PEBP4: variants seen among roughly 807,000 people sequenced by gnomAD.
The protein encoded by PEBP4 is phosphatidylethanolamine-binding protein 4.
In PEBP4, 22 loss-of-function variants were observed where a neutral mutation model predicts 23.9. The ratio of observed to expected loss-of-function variants is 0.92; its 90% CI spans 0.66 to 1.31. The LOEUF (loss-of-function observed/expected upper bound fraction) is 1.31, where lower values mean the gene tolerates loss of function less well. PEBP4 is among the 40% of genes most tolerant of loss of function. The pLI is 0.00. For missense variants in PEBP4, 324 were observed against 281.7 expected (o/e 1.15, Z -1.07); for synonymous variants, 112 against 99.3 (o/e 1.13, Z -0.76).
chr8:22,874,134 C>T (rs1808069590), intron 3 of PEBP4, among the ~76,000 whole-genome samples: 1 of 151,970 alleles, frequency 6.6e-6, no homozygotes, highest in Non-Finnish European at 1.5e-5. Context: ...AACACGGATG[C>T]CAGAAGCCCT....
At chr8:22,873,160 A>G (rs1247250866) in intron 3 of PEBP4, among the ~76,000 whole-genome samples, 1 of 152,236 alleles carries the variant, frequency 6.6e-6, no homozygotes, top group Non-Finnish European at 1.5e-5. Flanking sequence ...AAGCTGGTAC[A>G]GTTATTGGCG....
At chr8:22,781,217 G>A (rs906432645) in intron 4 of PEBP4, among the ~76,000 whole-genome samples, 7 of 152,196 alleles carry the variant, frequency 4.6e-5, no homozygotes, top group Non-Finnish European at 2.9e-5. Context: ...CACCACGTTT[G>A]GATGCCCTTG....
intron 3 of PEBP4, among the ~76,000 whole-genome samples, chr8:22,893,454 G>GACAAAAA (rs1355481446): frequency 6.6e-6 from 1 of 151,940 alleles, no homozygotes; most frequent in East Asian, 1.9e-4. Context: ...CCATAACAAG[G>GACAAAAA]ACAAAAAACA....
At chr8:22,751,848 A>G (rs1278084449) in intron 4 of PEBP4, among the ~76,000 whole-genome samples, 3 of 151,964 alleles carry the variant, frequency 2.0e-5, no homozygotes, top group African/African-American at 7.3e-5. Flanking sequence ...TCCCATTGTC[A>G]GTCACCCACT....
At chr8:22,843,689 G>A in intron 3 of PEBP4, among the ~76,000 whole-genome samples, 1 of 152,194 alleles carries the variant, frequency 6.6e-6, no homozygotes, top group East Asian at 1.9e-4. Context: ...GAAGTTGAAT[G>A]TCAGCCTTGC....
At chr8:22,860,204 ATACACATATATG>A (rs1807746110) in intron 3 of PEBP4, among the ~76,000 whole-genome samples, 1 of 141,436 alleles carries the variant, frequency 7.1e-6, no homozygotes, top group Non-Finnish European at 1.5e-5. Flanking sequence ...ATATATATAT[ATACACATATATG>A]TATATATATA....
At chr8:22,824,376 G>A (rs1806923781) in intron 3 of PEBP4, among the ~76,000 whole-genome samples, 1 of 152,064 alleles carries the variant, frequency 6.6e-6, no homozygotes, top group Admixed American at 6.5e-5. Context: ...TCCCTGCCCT[G>A]ATGTTCCCCG....
chr8:22,899,074 C>T (rs1476166118), intron 3 of PEBP4, among the ~76,000 whole-genome samples: 1 of 152,176 alleles, frequency 6.6e-6, no homozygotes, highest in Non-Finnish European at 1.5e-5. Context: ...CGATCTAGGA[C>T]CCTGGACAAG....
intron 3 of PEBP4, among the ~76,000 whole-genome samples, chr8:22,910,548 G>A (rs1808917046): frequency 6.6e-6 from 1 of 152,188 alleles, no homozygotes; most frequent in African/African-American, 2.4e-5. Flanking sequence ...GAAACACCCA[G>A]TGAAGGAACA....
intron 4 of PEBP4, among the ~76,000 whole-genome samples, chr8:22,796,634 C>T (rs1585277500): frequency 6.6e-6 from 1 of 152,276 alleles, no homozygotes; most frequent in Non-Finnish European, 1.5e-5. Flanking sequence ...ACAATGTCAG[C>T]ACCTAAGATG....
At chr8:22,731,990 G>A (rs1451460003) in intron 4 of PEBP4, among the ~76,000 whole-genome samples, 3 of 152,058 alleles carry the variant, frequency 2.0e-5, no homozygotes, top group African/African-American at 7.2e-5. Flanking sequence ...CCCCCTCATT[G>A]TTTAAGGGTG....
At chr8:22,812,582 T>C (rs1806654742) in intron 4 of PEBP4, among the ~76,000 whole-genome samples, 1 of 152,130 alleles carries the variant, frequency 6.6e-6, no homozygotes, top group South Asian at 2.1e-4. Context: ...AAAGCATGCA[T>C]GGGAAACTGC....
At chr8:22,751,409 T>A (rs974818249) in intron 4 of PEBP4, among the ~76,000 whole-genome samples, 8 of 152,160 alleles carry the variant, frequency 5.3e-5, no homozygotes, top group African/African-American at 1.9e-4. Flanking sequence ...GGGTCTGATG[T>A]CCAGGAACAC....
intron 4 of PEBP4, among the ~76,000 whole-genome samples, chr8:22,761,441 C>T (rs762010372): frequency 1.2e-4 from 19 of 152,314 alleles, no homozygotes; most frequent in Non-Finnish European, 2.4e-4. Flanking sequence ...CCCCTGCAAG[C>T]CGTGTTCATA....
chr8:22,724,558 C>T (rs114609747), intron 6 of PEBP4, among the ~76,000 whole-genome samples: 24 of 152,318 alleles, frequency 1.6e-4, no homozygotes, highest in African/African-American at 5.3e-4. Context: ...TACTCTTCTC[C>T]CTGGCTGCAG....
At chr8:22,813,392 T>A (rs1806673881) in intron 4 of PEBP4, among the ~76,000 whole-genome samples, 1 of 152,220 alleles carries the variant, frequency 6.6e-6, no homozygotes, top group Non-Finnish European at 1.5e-5. Context: ...TCTCCTTAAT[T>A]GTTCTTAGTG....
intron 4 of PEBP4, among the ~76,000 whole-genome samples, chr8:22,749,508 C>T (rs1179203678): frequency 6.6e-6 from 1 of 152,250 alleles, no homozygotes; most frequent in East Asian, 1.9e-4. Context: ...CCAGCAAGGG[C>T]ACGGCCACCA....
intron 3 of PEBP4, chr8:22,885,046 A>G (rs1808345132): frequency 6.6e-6 from 1 of 152,212 alleles, no homozygotes; most frequent in African/African-American, 2.4e-5. Context: ...TGAAGTGGAC[A>G]CTTGTTGGCA....
At chr8:22,936,643 A>G (rs1175928052) in intron 1 of PEBP4, among the ~76,000 whole-genome samples, 2 of 152,194 alleles carry the variant, frequency 1.3e-5, no homozygotes, top group Non-Finnish European at 2.9e-5. Context: ...TTTTCTAACC[A>G]AAGTTAGAAA....
Sources: gnomAD v4.1 joint callset for allele counts (sites outside exome capture counted in the v4.1 genomes callset) on GRCh38, gnomAD v4.1.1 for gene constraint, MANE v1.5 for transcripts, NCBI Gene and HGNC (gene_info 2026-07-23, HGNC 2026-07-21) for gene names.